Variants in NUP93 observed in about 807,000 individuals in gnomAD.
NUP93 encodes nuclear pore complex protein Nup93.
In NUP93, 55 loss-of-function variants were observed where a neutral mutation model predicts 107.8. The observed-to-expected ratio is 0.51, with a 90% CI of 0.41 to 0.64. The LOEUF is 0.64. NUP93 is among the 30% of genes least tolerant of loss of function. The pLI, the probability that NUP93 is intolerant of heterozygous loss-of-function variation, is 0.00. For synonymous variants in NUP93, 390 were observed against 397.5 expected (o/e 0.98, Z 0.22); for missense variants, 937 against 1,044.7 (o/e 0.90, Z 1.42).
chr16:56,791,133 C>T (rs1962753690), intron 3 of NUP93, among the ~76,000 whole-genome samples: 1 of 152,118 alleles, frequency 6.6e-6, no homozygotes, highest in African/African-American at 2.4e-5. Flanking sequence ...AAATGTTCAG[C>T]CTGCTGTAGA....
At chr16:56,829,276 A>G (rs1438407500) in intron 9 of NUP93, among the ~76,000 whole-genome samples, 167 bp downstream of exon 9, 5 of 152,236 alleles carry the variant, frequency 3.3e-5, no homozygotes, top group Non-Finnish European at 5.9e-5. Context: ...GATAGTACAG[A>G]AGTCCAGGTG....
At chr16:56,802,672 ATATG>A (rs1963046678) in intron 4 of NUP93, among the ~76,000 whole-genome samples, 1 of 152,198 alleles carries the variant, frequency 6.6e-6, no homozygotes, top group Non-Finnish European at 1.5e-5. Context: ...TAGGAAGAGT[ATATG>A]TATGTGATTT....
chr16:56,781,414 G>A (rs1346210836), intron 3 of NUP93, among the ~76,000 whole-genome samples: 3 of 152,014 alleles, frequency 2.0e-5, no homozygotes, highest in Non-Finnish European at 4.4e-5. Context: ...ACAATGATCC[G>A]AGATGCTTCT....
intron 3 of NUP93, among the ~76,000 whole-genome samples, chr16:56,770,052 G>A (rs1962291754): frequency 6.6e-6 from 1 of 152,200 alleles, no homozygotes; most frequent in Non-Finnish European, 1.5e-5. Flanking sequence ...GTGAGGAATT[G>A]ACATTCAGCT....
intron 3 of NUP93, among the ~76,000 whole-genome samples, chr16:56,780,896 G>C (rs1308413919): frequency 1.3e-5 from 2 of 152,172 alleles, no homozygotes; most frequent in Non-Finnish European, 2.9e-5. Flanking sequence ...TGACCAGCCT[G>C]ACTTTAATCA....
intron 17 of NUP93, 87 bp from the exon 18 acceptor site, chr16:56,837,521 C>T: frequency 9.3e-7 from 1 of 1,071,764 alleles, no homozygotes; most frequent in Non-Finnish European, 1.4e-6. Flanking sequence ...CCAGAAAGTT[C>T]TCTTTGGTGG....
At chr16:56,733,614 G>A (rs1961567653) in intron 1 of NUP93, among the ~76,000 whole-genome samples, 1 of 152,118 alleles carries the variant, frequency 6.6e-6, no homozygotes, top group African/African-American at 2.4e-5. Context: ...TGGGACATGT[G>A]TAGTTTGAGG....
At chr16:56,749,756 A>G (rs1278114831) in intron 2 of NUP93, among the ~76,000 whole-genome samples, 1 of 152,224 alleles carries the variant, frequency 6.6e-6, no homozygotes, top group African/African-American at 2.4e-5. Context: ...GACCTCCCCA[A>G]AATGTTATTT....
Position 56,844,513 on chromosome 16 carries a change from A to G in NUP93, c.2364A>G (p.Gln788=), listed in dbSNP as rs1964086093. ...TTCTCTCTCAGCAACTCCGAAGTCAAGCCCGCACTCTGATTACCTTTGCTG... is the reference window on the plus strand; with the variant it reads ...TTCTCTCTCAGCAACTCCGAAGTCAGGCCCGCACTCTGATTACCTTTGCTG... ...IEDRDSQLRS[Q]ARTLITFAGM... Residue 788 remains glutamine, a synonymous_variant, in exon 22 of 22, where the codon CAA becomes CAG. Transcript: ENST00000308159. 1 of 1,496,774 alleles carries G rather than the reference A, an allele frequency of 6.7e-7. No individual in the cohort carries two copies. Among genetic ancestry groups the G allele is most frequent in the Non-Finnish European group, 8.9e-7 (1 of 1,118,330 alleles). The allele number at this position is 1,496,774 out of a possible 1,614,324, so 92.7% of individuals were successfully genotyped here.
chr16:56,733,372 C>T (rs1300692214), intron 1 of NUP93, among the ~76,000 whole-genome samples: 1 of 152,078 alleles, frequency 6.6e-6, no homozygotes, highest in Non-Finnish European at 1.5e-5. Context: ...AGTCGGCGTG[C>T]AAGTCAGAGA....
intron 5 of NUP93, among the ~76,000 whole-genome samples, chr16:56,807,401 C>T (rs1310395598): frequency 3.3e-5 from 5 of 152,210 alleles, no homozygotes; most frequent in Non-Finnish European, 1.5e-5. Context: ...TTGGCACATC[C>T]TTCTATGTGC....
rs145497475 is a variant in NUP93, at chr16:56,749,984, C to T, written c.179+1558C>T. On this transcript the variant is annotated intron_variant, in intron 2 of 21. Coordinates refer to ENST00000308159, the MANE Select transcript of NUP93 (RefSeq NM_014669.5). Reference sequence around the variant, plus strand: ...TACTCCTGGCTGCCTGCAGTTACCCCCAGTCTTGAGCATGCAGGCTCTGTG... The same window carrying T: ...TACTCCTGGCTGCCTGCAGTTACCCTCAGTCTTGAGCATGCAGGCTCTGTG... Among the ~76,000 whole-genome samples the T allele has an allele frequency of 8.8e-3, 1,340 of 152,316 alleles. 22 individuals are homozygous for T. The highest frequency in any genetic ancestry group is 0.031 in the African/African-American group (1,271 of 41,566).
At chr16:56,794,584 TAGAGAGAGAGAG>T (rs10596725) in intron 3 of NUP93, among the ~76,000 whole-genome samples, 21 of 148,110 alleles carry the variant, frequency 1.4e-4, no homozygotes, top group East Asian at 1.4e-3. Context: ...GTGTGTGTGA[TAGAGAGAGAGAG>T]AGAGAGAGAG....
chr16:56,766,229 A>G (rs1962214192), intron 3 of NUP93, among the ~76,000 whole-genome samples: 1 of 152,212 alleles, frequency 6.6e-6, no homozygotes, highest in African/African-American at 2.4e-5. Flanking sequence ...CAACTTAAAG[A>G]AGAAAGAAGT....
intron 2 of NUP93, among the ~76,000 whole-genome samples, chr16:56,753,817 A>G (rs1253798136): frequency 2.6e-5 from 4 of 152,156 alleles, no homozygotes; most frequent in Admixed American, 2.0e-4. Context: ...AACAAACACA[A>G]CTTTAAAAGT....
chr16:56,785,688 C>T (rs1263569367), intron 3 of NUP93, among the ~76,000 whole-genome samples: 5 of 152,058 alleles, frequency 3.3e-5, no homozygotes, highest in Admixed American at 1.3e-4. Flanking sequence ...AGGGGTGGAC[C>T]GCACGAATTA....
intron 10 of NUP93, chr16:56,831,641 A>G (rs948886824): frequency 1.1e-4 from 59 of 537,608 alleles, no homozygotes; most frequent in Non-Finnish European, 1.1e-4. Context: ...CCGGCAGGCC[A>G]ATAGATACAG....
At position 56,833,282 on chromosome 16, in the gene NUP93, G is replaced by A. The variant is rs1963835443; in HGVS notation, c.1413G>A (p.Gln471=). ...TCCAAGTCCTGTTCCTGACAGCGCA[G>A]TTTGAAGCAGCAGTTGCCTTTCTTT... The part of the protein sequence containing the change: ...LYFQVLFLTA[Q]FEAAVAFLFR... The change falls in exon 13 of 22, where the codon CAG becomes CAA. Residue 471 remains glutamine, a synonymous_variant. Coordinates refer to ENST00000308159, the MANE Select transcript of NUP93 (RefSeq NM_014669.5). 1 of 1,607,412 alleles carries A rather than the reference G, an allele frequency of 6.2e-7. No individual in the cohort carries two copies.
chr16:56,817,915 A>G (rs1487432893), intron 5 of NUP93, among the ~76,000 whole-genome samples: 3 of 152,238 alleles, frequency 2.0e-5, no homozygotes, highest in Non-Finnish European at 4.4e-5. Flanking sequence ...TACTTTATGA[A>G]GTCCACACAA....
Sources: gnomAD v4.1 joint callset for allele counts (sites outside exome capture counted in the v4.1 genomes callset) on GRCh38, gnomAD v4.1.1 for gene constraint, MANE v1.5 for transcripts, NCBI Gene and HGNC (gene_info 2026-07-23, HGNC 2026-07-21) for gene names.